EPRS1: variants seen among roughly 807,000 people sequenced by gnomAD.
EPRS1 encodes the protein glutamyl-prolyl-tRNA synthetase 1.
Under a neutral mutation model 188.3 loss-of-function variants are expected in EPRS1, and 107 were observed. The observed-to-expected ratio is 0.57, with a 90% CI of 0.49 to 0.67. EPRS1 has a LOEUF of 0.67. Among genes scored for constraint, EPRS1 ranks in the 30% least tolerant of loss-of-function variants. EPRS1 has a pLI of 0.00. For missense variants in EPRS1, 1,577 were observed against 1,802.2 expected (o/e 0.88, Z 2.26); for synonymous variants, 596 against 593.1 (o/e 1.00, Z -0.07).
At chr1:219,976,392 G>C (rs1276648672) in intron 28 of EPRS1, among the ~76,000 whole-genome samples, 3 of 152,210 alleles carry the variant, frequency 2.0e-5, no homozygotes, top group Admixed American at 2.0e-4. Context: ...ACACTAGTCA[G>C]ACAGCTCCTG....
chr1:219,996,990 G>T lies in EPRS1; in HGVS notation c.2534C>A (p.Ser845Tyr). Residue 845 changes from serine (S) to tyrosine (Y), a missense_variant, in exon 18 of 32, where the codon TCC becomes TAC. Ser to Tyr is a moderately radical substitution (Grantham distance 144). Transcript: ENST00000366923. ...TTTCTCTAACATACTGACCTTAGGG[G>T]ATTTTTCAGCTTTTAGCTTACGAAC... is the stretch of plus-strand genomic sequence containing the variant. ...EVVRKLKAEK[S>Y]PKAKINEAVE... 1 of 1,594,690 alleles carries T rather than the reference G, an allele frequency of 6.3e-7. No homozygotes were observed. The highest frequency in any genetic ancestry group is 8.5e-7 in the Non-Finnish European group (1 of 1,172,892).
intron 20 of EPRS1, among the ~76,000 whole-genome samples, chr1:219,986,911 T>C (rs1661017272): frequency 1.3e-5 from 2 of 152,196 alleles, no homozygotes; most frequent in South Asian, 2.1e-4. Flanking sequence ...ACCGGAAAGA[T>C]GGGAAACATG....
At chr1:220,037,697 C>A (rs1318338618) in intron 2 of EPRS1, among the ~76,000 whole-genome samples, 1 of 151,986 alleles carries the variant, frequency 6.6e-6, no homozygotes, top group Non-Finnish European at 1.5e-5. Flanking sequence ...AAATGCCCAG[C>A]AGAACAGATG....
intron 17 of EPRS1, 46 bp from the exon 18 acceptor site, chr1:219,997,388 A>G: frequency 1.4e-6 from 2 of 1,445,966 alleles, no homozygotes; most frequent in South Asian, 1.5e-5. Context: ...TTCATATTAA[A>G]TGTTTTCCCA....
intron 6 of EPRS1, among the ~76,000 whole-genome samples, chr1:220,025,949 C>T (rs1451261234): frequency 1.3e-5 from 2 of 152,176 alleles, no homozygotes; most frequent in African/African-American, 2.4e-5. Flanking sequence ...CACGCGCCAC[C>T]ATGCCCAGCT....
intron 28 of EPRS1, 44 bp from the exon 29 acceptor site, chr1:219,973,442 C>T: frequency 2.9e-6 from 4 of 1,393,276 alleles, no homozygotes; most frequent in Non-Finnish European, 4.0e-6. Flanking sequence ...TGAATGTCTC[C>T]AGTTGAATAT....
chr1:220,014,731 C>T (rs892698336), intron 12 of EPRS1, among the ~76,000 whole-genome samples: 1 of 152,208 alleles, frequency 6.6e-6, no homozygotes, highest in East Asian at 1.9e-4. Flanking sequence ...CCAGCCAGAT[C>T]ATTGTACAGT....
intron 11 of EPRS1, among the ~76,000 whole-genome samples, 160 bp from the exon 12 acceptor site, chr1:220,018,668 T>C (rs962140495): frequency 3.9e-5 from 6 of 151,948 alleles, no homozygotes; most frequent in South Asian, 4.2e-4. Context: ...CAAACTAATT[T>C]GGTTACCCTT....
At chr1:219,985,792 C>T (rs1424457640) in intron 20 of EPRS1, among the ~76,000 whole-genome samples, 1 of 152,168 alleles carries the variant, frequency 6.6e-6, no homozygotes, top group Non-Finnish European at 1.5e-5. Flanking sequence ...CTATTTCAGA[C>T]AATAATCATT....
intron 18 of EPRS1, among the ~76,000 whole-genome samples, chr1:219,995,727 G>A (rs1166955654): frequency 6.6e-6 from 1 of 152,176 alleles, no homozygotes; most frequent in Non-Finnish European, 1.5e-5. Flanking sequence ...ACAATGGAGA[G>A]ACAGAAAAAT....
rs186356524 is a variant in EPRS1, at chr1:219,990,232, G to A, written c.2542-1409C>T. 5.2e-3 allele frequency among the ~76,000 whole-genome samples: 790 copies of A among 151,694 alleles called. 6 individuals are homozygous for A. The highest frequency in any genetic ancestry group is 0.011 in the Middle Eastern group (3 of 284). On this transcript the variant is annotated intron_variant, in intron 18 of 31. Coordinates refer to ENST00000366923, the MANE Select transcript of EPRS1 (RefSeq NM_004446.3). ...TATTCAATGAGATACTCTTAATAAA[G>A]CTATGTATTCATATATTTCCCCTCC...
intron 13 of EPRS1, among the ~76,000 whole-genome samples, chr1:220,010,093 CA>C (rs3055587): frequency 1.8e-3 from 177 of 100,486 alleles, no homozygotes; most frequent in Non-Finnish European, 2.5e-3. Flanking sequence ...GCAACTGTCT[CA>C]AAAAAAAAAA....
intron 6 of EPRS1, among the ~76,000 whole-genome samples, chr1:220,026,562 G>A (rs1332075802): frequency 5.3e-5 from 8 of 151,126 alleles, no homozygotes; most frequent in Non-Finnish European, 8.8e-5. Flanking sequence ...ACGGACTCTC[G>A]CTCTGTCGCC....
intron 8 of EPRS1, 82 bp downstream of exon 8, chr1:220,024,181 AG>A: frequency 1.1e-6 from 1 of 937,626 alleles, no homozygotes; most frequent in Non-Finnish European, 1.5e-6. Context: ...AAAAACTAGC[AG>A]CTTTCACAAA....
At position 220,033,547 on chromosome 1, in the gene EPRS1, T is replaced by C; in HGVS notation, c.343A>G (p.Asn115Asp). 1 of 1,612,860 alleles carries C rather than the reference T, an allele frequency of 6.2e-7. No individual in the cohort carries two copies. Among genetic ancestry groups the C allele is most frequent in the African/African-American group, 1.3e-5 (1 of 74,998 alleles). The change falls in exon 4 of 32, where the codon AAC becomes GAC. Residue 115 changes from asparagine to aspartate, a missense_variant. By Grantham distance (23) the Asn-to-Asp change is conservative. Coordinates refer to ENST00000366923, the MANE Select transcript of EPRS1 (RefSeq NM_004446.3). ...CATAAATCTGCTAAACTCAAGGAGTTTCCAACTAAGTATGTTCTCAGAGAC... is the reference window on the plus strand; with the variant it reads ...CATAAATCTGCTAAACTCAAGGAGTCTCCAACTAAGTATGTTCTCAGAGAC... ...CLSLRTYLVG[N>D]SLSLADLCVW...
chr1:220,007,847 T>C (rs1045140748), intron 13 of EPRS1, among the ~76,000 whole-genome samples: 5 of 152,188 alleles, frequency 3.3e-5, no homozygotes, highest in Non-Finnish European at 7.3e-5. Context: ...TCGCTGGGCA[T>C]GGTGGCTTAC....
chr1:219,989,752 A>G (rs1008005945), intron 18 of EPRS1, among the ~76,000 whole-genome samples: 2 of 152,200 alleles, frequency 1.3e-5, no homozygotes, highest in African/African-American at 2.4e-5. Context: ...TTTTCTGCCT[A>G]TTAGAGTGTC....
chr1:220,005,962 G>A, intron 15 of EPRS1, 144 bp downstream of exon 15: 1 of 460,228 alleles, frequency 2.2e-6, no homozygotes, highest in Non-Finnish European at 3.8e-6. Context: ...GAGCCACCAT[G>A]CTCGGCCAAC....
intron 16 of EPRS1, among the ~76,000 whole-genome samples, chr1:220,002,206 C>A (rs960090376): frequency 1.3e-5 from 2 of 151,748 alleles, no homozygotes; most frequent in Non-Finnish European, 2.9e-5. Context: ...GTGGCGGGCG[C>A]CTGTAATCCC....
Sources: allele counts gnomAD v4.1 joint callset (sites outside exome capture counted in the v4.1 genomes callset), GRCh38; gene constraint gnomAD v4.1.1; transcripts MANE v1.5; gene names NCBI Gene and HGNC (gene_info 2026-07-23, HGNC 2026-07-21).